The following HECW1 variants were observed in gnomAD, a reference collection of about 807,000 sequenced individuals.
HECW1 encodes the protein HECT, C2 and WW domain containing E3 ubiquitin protein ligase 1.
A neutral mutation model predicts 182.3 loss-of-function variants in HECW1; 61 were observed. The ratio of observed to expected loss-of-function variants is 0.33; its 90% CI spans 0.27 to 0.41. The LOEUF (loss-of-function observed/expected upper bound fraction) is 0.41, where lower values mean the gene tolerates loss of function less well. Among genes scored for constraint, HECW1 ranks in the 10% least tolerant of loss-of-function variants. The pLI is 1.00. For missense variants in HECW1, 1,739 were observed against 2,108.9 expected (o/e 0.82, Z 3.44); for synonymous variants, 859 against 832.6 (o/e 1.03, Z -0.55).
intron 21 of HECW1, among the ~76,000 whole-genome samples, chr7:43,505,356 C>T (rs970958177): frequency 4.6e-5 from 7 of 152,318 alleles, no homozygotes; most frequent in Middle Eastern, 3.4e-3. Context: ...TCTCCACTGA[C>T]GCCAGCCTAG....
At chr7:43,405,706 A>G (rs1009438038) in intron 7 of HECW1, among the ~76,000 whole-genome samples, 4 of 152,180 alleles carry the variant, frequency 2.6e-5, no homozygotes, top group African/African-American at 7.2e-5. Flanking sequence ...ATTTACACAA[A>G]CACTTTAGGC....
intron 2 of HECW1, among the ~76,000 whole-genome samples, chr7:43,201,536 C>T (rs1371851309): frequency 3.3e-5 from 5 of 152,178 alleles, no homozygotes; most frequent in Admixed American, 6.5e-5. Context: ...AAAACAGTAA[C>T]GGAACAGCCA....
chr7:43,494,843 A>G (rs2079056469), intron 19 of HECW1, among the ~76,000 whole-genome samples: 1 of 152,086 alleles, frequency 6.6e-6, no homozygotes, highest in African/African-American at 2.4e-5. Flanking sequence ...CATAATGTCC[A>G]TGGTCTCAAA....
chr7:43,204,535 A>G (rs908663541), intron 2 of HECW1, among the ~76,000 whole-genome samples: 3 of 152,232 alleles, frequency 2.0e-5, no homozygotes, highest in Non-Finnish European at 4.4e-5. Context: ...TATACAAGAC[A>G]GGCATGGCCA....
chr7:43,198,364 C>T (rs192286628), intron 2 of HECW1, among the ~76,000 whole-genome samples: 8 of 150,760 alleles, frequency 5.3e-5, no homozygotes, highest in East Asian at 2.0e-4. Context: ...ACACACCCCA[C>T]GCTCTCACAC....
In HECW1 at chr7:43,159,949, G is replaced by T. The variant is rs758742956; in HGVS notation, c.-32+45558G>T. Among the ~76,000 whole-genome samples, 6 of 152,240 alleles carry T rather than the reference G, an allele frequency of 3.9e-5. No individual in the cohort carries two copies. The South Asian group carries it at 1.2e-3, about 32-fold the overall frequency. Reference sequence around the variant, plus strand: ...CCGCCTCGGCCTCTCAAAGTGCTGCGATTACAGGCGTGAGCCACCGCGCCC... The same window carrying T: ...CCGCCTCGGCCTCTCAAAGTGCTGCTATTACAGGCGTGAGCCACCGCGCCC... On this transcript the variant is annotated intron_variant, in intron 2 of 29. Transcript: ENST00000395891.
intron 2 of HECW1, among the ~76,000 whole-genome samples, chr7:43,167,003 A>C (rs1305809283): frequency 6.6e-6 from 1 of 152,228 alleles, no homozygotes; most frequent in Non-Finnish European, 1.5e-5. Context: ...AAGAGGCATG[A>C]CCAGAGTGGG....
At chr7:43,114,426 T>C (rs906713067) in intron 2 of HECW1, 35 bp downstream of exon 2, 25 of 1,329,500 alleles carry the variant, frequency 1.9e-5, no homozygotes, top group Non-Finnish European at 2.4e-5. Context: ...CATTTAAAAA[T>C]GTGTGTTTTC....
At chr7:43,141,745 G>A (rs1788179491) in intron 2 of HECW1, among the ~76,000 whole-genome samples, 1 of 152,160 alleles carries the variant, frequency 6.6e-6, no homozygotes, top group Non-Finnish European at 1.5e-5. Context: ...TGATCCGCCA[G>A]CCTCGGCCTC....
intron 2 of HECW1, among the ~76,000 whole-genome samples, chr7:43,239,460 G>A (rs1798675888): frequency 6.6e-6 from 1 of 152,172 alleles, no homozygotes; most frequent in Non-Finnish European, 1.5e-5. Flanking sequence ...GTTATTAGAT[G>A]GCGCACACTG....
intron 3 of HECW1, among the ~76,000 whole-genome samples, chr7:43,301,416 C>T (rs1182915019): frequency 6.6e-6 from 1 of 152,216 alleles, no homozygotes; most frequent in African/African-American, 2.4e-5. Flanking sequence ...CATTATTGCC[C>T]TCACCATTGT....
intron 5 of HECW1, among the ~76,000 whole-genome samples, chr7:43,337,299 A>C (rs1383029714): frequency 1.3e-5 from 2 of 152,156 alleles, no homozygotes; most frequent in African/African-American, 4.8e-5. Flanking sequence ...AGTGATGTTG[A>C]GCATGTGTTT....
chr7:43,477,082 T>C (rs910379404), intron 16 of HECW1, among the ~76,000 whole-genome samples: 1 of 152,164 alleles, frequency 6.6e-6, no homozygotes, highest in Admixed American at 6.5e-5. Context: ...AATTAGCCCA[T>C]GAGAAAATGT....
At chr7:43,170,581 A>T (rs75529437) in intron 2 of HECW1, among the ~76,000 whole-genome samples, 3,506 of 152,272 alleles carry the variant, frequency 0.023, 113 homozygotes, top group African/African-American at 0.079. Flanking sequence ...GCACACTCTC[A>T]CTGGCAGAGG....
chr7:43,241,712 C>G (rs1798906421), intron 2 of HECW1, among the ~76,000 whole-genome samples: 1 of 151,370 alleles, frequency 6.6e-6, no homozygotes, highest in African/African-American at 2.4e-5. Flanking sequence ...CACCCTATAC[C>G]AGGCTCTGTG....
At chr7:43,230,237 A>G (rs1252369069) in intron 2 of HECW1, among the ~76,000 whole-genome samples, 1 of 152,206 alleles carries the variant, frequency 6.6e-6, no homozygotes, top group African/African-American at 2.4e-5. Context: ...TACTAAAAAT[A>G]CAAAAAATTA....
intron 24 of HECW1, among the ~76,000 whole-genome samples, chr7:43,526,730 G>A (rs867240322): frequency 1.3e-5 from 2 of 152,346 alleles, no homozygotes; most frequent in Middle Eastern, 6.8e-3. Context: ...GCCAGGTGCA[G>A]TGGCTCACGC....
chr7:43,132,932 G>A (rs1787120752), intron 2 of HECW1, among the ~76,000 whole-genome samples: 1 of 152,042 alleles, frequency 6.6e-6, no homozygotes, highest in Non-Finnish European at 1.5e-5. Context: ...GCTGGATTTA[G>A]TTTTTCATTA....
intron 17 of HECW1, chr7:43,484,583 T>A (rs900456580): frequency 1.3e-5 from 2 of 152,336 alleles, no homozygotes; most frequent in South Asian, 4.1e-4. Flanking sequence ...AAATTGCATG[T>A]AAGGACAGAA....
Sources: gnomAD v4.1 joint callset for allele counts (sites outside exome capture counted in the v4.1 genomes callset) on GRCh38, gnomAD v4.1.1 for gene constraint, MANE v1.5 for transcripts, NCBI Gene and HGNC (gene_info 2026-07-23, HGNC 2026-07-21) for gene names.